The following FHL2 variants were observed in gnomAD, a reference collection of about 807,000 sequenced individuals.
FHL2 encodes the protein four and a half LIM domains 2, also known as four and a half LIM domains protein 2.
In FHL2, 20 loss-of-function variants were observed where a neutral mutation model predicts 32.7. That is an observed-to-expected ratio of 0.61 (90% CI 0.43 to 0.89). FHL2 has a LOEUF of 0.89. FHL2 is among the 40% of genes least tolerant of loss of function. The probability of loss-of-function intolerance (pLI) is 0.00; values close to 1 mark genes in which losing one functional copy is unlikely to be tolerated. For synonymous variants in FHL2, 123 were observed against 128.1 expected (o/e 0.96, Z 0.27); for missense variants, 311 against 358.6 (o/e 0.87, Z 1.07).
intron 5 of FHL2, among the ~76,000 whole-genome samples, chr2:105,365,765 A>G (rs1680587827): frequency 6.6e-6 from 1 of 151,844 alleles, no homozygotes; most frequent in Non-Finnish European, 1.5e-5. Context: ...GAATCACTTG[A>G]ACCCAGAAAG....
At chr2:105,399,354 T>C (rs1465679793), upstream of FHL2, 2 of 1,535,962 alleles carry the variant, frequency 1.3e-6, no homozygotes, top group East Asian at 4.9e-5. Context: ...GGCAGGGGTC[T>C]GCCCACGCCG....
chr2:105,375,833 G>C (rs1681436597), intron 3 of FHL2: 1 of 152,222 alleles, frequency 6.6e-6, no homozygotes, highest in Non-Finnish European at 1.5e-5. Context: ...CTGGGAGTTG[G>C]GGGCAGAGGG....
chr2:105,370,386 A>G (rs1680966040), intron 4 of FHL2, among the ~76,000 whole-genome samples: 1 of 152,076 alleles, frequency 6.6e-6, no homozygotes, highest in Admixed American at 6.5e-5. Flanking sequence ...AAAAAAAAAA[A>G]AGTCAAATGA....
intron 1 of FHL2, among the ~76,000 whole-genome samples, chr2:105,407,859 T>C (rs557287771): frequency 1.3e-5 from 2 of 152,310 alleles, no homozygotes; most frequent in African/African-American, 4.8e-5. Context: ...ATTGAGGGAC[T>C]TCCTTGAAAT....
At chr2:105,429,693 T>A (rs1236077845) in intron 1 of FHL2, among the ~76,000 whole-genome samples, 5 of 152,186 alleles carry the variant, frequency 3.3e-5, no homozygotes, top group Non-Finnish European at 5.9e-5. Flanking sequence ...AGACAGTAAG[T>A]TTATGGTAAT....
intron 4 of FHL2, among the ~76,000 whole-genome samples, chr2:105,371,554 C>A (rs1681067850): frequency 7.7e-6 from 1 of 129,598 alleles, no homozygotes; most frequent in Non-Finnish European, 1.7e-5. Context: ...AAATCTCTCT[C>A]TCTCTCTCTC....
chr2:105,407,810 C>T (rs1188619204), intron 1 of FHL2, among the ~76,000 whole-genome samples: 1 of 152,144 alleles, frequency 6.6e-6, no homozygotes, highest in Admixed American at 6.5e-5. Context: ...CTGCCACCAC[C>T]ACCACCAGCC....
intron 1 of FHL2, among the ~76,000 whole-genome samples, chr2:105,411,538 G>GTTTTTTT (rs9308884): frequency 3.7e-5 from 3 of 81,148 alleles, no homozygotes; most frequent in Non-Finnish European, 4.4e-5. Flanking sequence ...TGAACTTAGG[G>GTTTTTTT]TTTTTTTTTT....
At chr2:105,424,469 C>T (rs10187658) in intron 1 of FHL2, among the ~76,000 whole-genome samples, 56,910 of 152,092 alleles carry the variant, frequency 0.37, 11,371 homozygotes, top group Admixed American at 0.48. Context: ...GACAGTGTGG[C>T]TATTCCTCAA....
intron 1 of FHL2, among the ~76,000 whole-genome samples, chr2:105,397,881 G>GTTTTTT (rs749684273): frequency 1.7e-5 from 2 of 116,350 alleles, no homozygotes; most frequent in African/African-American, 6.2e-5. Flanking sequence ...TTGTTTTTTT[G>GTTTTTT]TTTTTTGTTT....
intron 4 of FHL2, among the ~76,000 whole-genome samples, chr2:105,369,644 T>TA (rs1680882401): frequency 6.6e-6 from 1 of 152,204 alleles, no homozygotes; most frequent in South Asian, 2.1e-4. Flanking sequence ...GAAATTCAAG[T>TA]AAAAATAGTG....
intron 2 of FHL2, among the ~76,000 whole-genome samples, chr2:105,394,180 C>G (rs146369942): frequency 1.3e-5 from 2 of 152,172 alleles, no homozygotes; most frequent in Non-Finnish European, 2.9e-5. Flanking sequence ...CCCCAACACT[C>G]TTCATTTGTC....
At chr2:105,362,214 C>T (rs1274919116) in intron 6 of FHL2, among the ~76,000 whole-genome samples, 5 of 152,134 alleles carry the variant, frequency 3.3e-5, no homozygotes, top group Non-Finnish European at 7.3e-5. Flanking sequence ...CATTTTCCCC[C>T]TAAAAGATTC....
intron 4 of FHL2, among the ~76,000 whole-genome samples, 154 bp from the exon 5 acceptor site, chr2:105,367,893 T>C (rs1347614600): frequency 6.6e-6 from 1 of 152,226 alleles, no homozygotes; most frequent in Non-Finnish European, 1.5e-5. Context: ...AGGTAATTCC[T>C]ATTTTGTGCA....
intron 3 of FHL2, 41 bp downstream of exon 3, chr2:105,386,320 T>C (rs1056324919): frequency 6.2e-7 from 1 of 1,604,380 alleles, no homozygotes; most frequent in Non-Finnish European, 8.5e-7. Flanking sequence ...CCGTGTTTCC[T>C]AGGGGAGCGC....
intron 2 of FHL2, among the ~76,000 whole-genome samples, chr2:105,386,851 G>A (rs1049548189): frequency 7.8e-5 from 10 of 127,814 alleles, no homozygotes; most frequent in African/African-American, 2.7e-4. Context: ...TGCAACCTCC[G>A]CCTCCCAGGT....
chr2:105,403,922 G>GA (rs1038646104), upstream of FHL2, among the ~76,000 whole-genome samples: 3 of 152,214 alleles, frequency 2.0e-5, no homozygotes, highest in African/African-American at 7.2e-5. Context: ...TACAAATGCT[G>GA]AAATTTCATT....
chr2:105,401,064 C>CTTTTTTTTTTT (rs10561053), upstream of FHL2, among the ~76,000 whole-genome samples: 1 of 125,536 alleles, frequency 8.0e-6, no homozygotes, highest in Non-Finnish European at 1.7e-5. Context: ...TTATTGGATT[C>CTTTTTTTTTTT]TTTTTTTTTT....
chr2:105,431,419 G>A (rs1684426711), intron 1 of FHL2, among the ~76,000 whole-genome samples: 1 of 152,234 alleles, frequency 6.6e-6, no homozygotes, highest in Admixed American at 6.5e-5. Context: ...TAGATGAAGT[G>A]TTTAGGGGTA....
Sources: gnomAD v4.1 joint callset for allele counts (sites outside exome capture counted in the v4.1 genomes callset) on GRCh38, gnomAD v4.1.1 for gene constraint, MANE v1.5 for transcripts, NCBI Gene and HGNC (gene_info 2026-07-23, HGNC 2026-07-21) for gene names.